The following MTMR7 variants were observed in gnomAD, a reference collection of about 807,000 sequenced individuals.
The protein encoded by MTMR7 is myotubularin related protein 7, also known as phosphatidylinositol-3-phosphate phosphatase MTMR7.
MTMR7 carries 76 observed loss-of-function variants against 81.2 expected under a neutral mutation model. That is an observed-to-expected ratio of 0.94 (90% confidence interval 0.78 to 1.13). MTMR7 has a LOEUF of 1.13. Among genes scored for constraint, MTMR7 ranks in the 50% most tolerant of loss-of-function variants. MTMR7 has a pLI of 0.00. For synonymous variants in MTMR7, 372 were observed against 289.8 expected (o/e 1.28, Z -2.88); for missense variants, 1,044 against 820.0 (o/e 1.27, Z -3.34).
At chr8:17,364,771 A>C (rs573821977) in intron 3 of MTMR7, among the ~76,000 whole-genome samples, 1 of 152,358 alleles carries the variant, frequency 6.6e-6, no homozygotes, top group South Asian at 2.1e-4. Flanking sequence ...GCTGAATAGC[A>C]TTCCATTATT....
chr8:17,326,942 A>G (rs972354523), intron 7 of MTMR7, among the ~76,000 whole-genome samples: 3 of 152,244 alleles, frequency 2.0e-5, no homozygotes, highest in African/African-American at 7.2e-5. Flanking sequence ...ATAAAGAGGG[A>G]AAAAGGGAAT....
chr8:17,340,164 G>A lies in MTMR7; in HGVS notation c.732+1199C>T, dbSNP rs143625083. 3.1e-3 allele frequency among the ~76,000 whole-genome samples: 473 copies of A among 152,314 alleles called. 1 individual carries two copies. Among genetic ancestry groups the A allele is most frequent in the African/African-American group, 0.011 (453 of 41,554 alleles). On this transcript the variant is annotated intron_variant, in intron 6 of 13. Coordinates refer to ENST00000180173, the MANE Select transcript of MTMR7 (RefSeq NM_004686.5). ...GATGAGGTTTCACCATGTTGGTCAG[G>A]CTTGTCTCAAACTCCCGACCTCAGA...
intron 7 of MTMR7, among the ~76,000 whole-genome samples, chr8:17,319,330 T>G (rs746693298): frequency 3.3e-5 from 5 of 152,134 alleles, no homozygotes; most frequent in Admixed American, 1.3e-4. Flanking sequence ...TAAAGAAGAT[T>G]CCCGAAAATG....
At chr8:17,386,542 T>C (rs4921768) in intron 1 of MTMR7, among the ~76,000 whole-genome samples, 65,284 of 152,060 alleles carry the variant, frequency 0.43, 14,515 homozygotes, top group Admixed American at 0.57. Flanking sequence ...AGGTCAGTGA[T>C]AGGGCTGGCT....
intron 7 of MTMR7, among the ~76,000 whole-genome samples, chr8:17,322,927 C>T (rs1003554857): frequency 6.6e-6 from 1 of 150,560 alleles, no homozygotes; most frequent in Non-Finnish European, 1.5e-5. Context: ...TCACAACCTC[C>T]CATCTAGAGT....
At chr8:17,316,863 G>A (rs983853196) in intron 7 of MTMR7, among the ~76,000 whole-genome samples, 5 of 152,036 alleles carry the variant, frequency 3.3e-5, no homozygotes, top group African/African-American at 1.2e-4. Flanking sequence ...ATCTATGGGG[G>A]CTGGGGTGGG....
intron 1 of MTMR7, among the ~76,000 whole-genome samples, chr8:17,374,727 C>T (rs1427780737): frequency 6.6e-6 from 1 of 151,988 alleles, no homozygotes; most frequent in Non-Finnish European, 1.5e-5. Context: ...GCAGGAAAAT[C>T]ACTTGAACCC....
At chr8:17,400,580 TG>T (rs1047876420) in intron 1 of MTMR7, among the ~76,000 whole-genome samples, 23 of 152,328 alleles carry the variant, frequency 1.5e-4, no homozygotes, top group African/African-American at 5.5e-4. Flanking sequence ...GCGTTACCCT[TG>T]GTTTTTCTTG....
At chr8:17,377,023 T>C (rs1272125287) in intron 1 of MTMR7, among the ~76,000 whole-genome samples, 5 of 152,010 alleles carry the variant, frequency 3.3e-5, no homozygotes, top group African/African-American at 9.6e-5. Context: ...TCCTTGTATT[T>C]TTCCCGCCAT....
At chr8:17,333,701 A>T (rs1819127396) in intron 6 of MTMR7, among the ~76,000 whole-genome samples, 1 of 151,990 alleles carries the variant, frequency 6.6e-6, no homozygotes, top group South Asian at 2.1e-4. Context: ...AAATGCAAAA[A>T]TTAGCCAGAC....
intron 1 of MTMR7, among the ~76,000 whole-genome samples, chr8:17,374,591 A>T (rs1820516699): frequency 1.3e-5 from 2 of 152,102 alleles, no homozygotes; most frequent in African/African-American, 2.4e-5. Context: ...ACCGTACCGT[A>T]GCCTGGCGAC....
rs148021602 is a variant in MTMR7, at chr8:17,401,140, T to C, written c.24+12129A>G. On this transcript the variant is annotated intron_variant, in intron 1 of 13. Transcript: ENST00000180173. Reference sequence around the variant, plus strand: ...TATGTGTGTAGGTGTGTATGTATGTTACAGAAAAAATGCTATGGAGAAAAA... The same window carrying C: ...TATGTGTGTAGGTGTGTATGTATGTCACAGAAAAAATGCTATGGAGAAAAA... 6.2e-4 allele frequency among the ~76,000 whole-genome samples: 95 copies of C among 152,212 alleles called. No homozygotes were observed. In the East Asian group the frequency reaches 7.7e-3, roughly 12 times the overall value.
chr8:17,376,243 T>C (rs1177249687), intron 1 of MTMR7, among the ~76,000 whole-genome samples: 1 of 152,238 alleles, frequency 6.6e-6, no homozygotes, highest in Non-Finnish European at 1.5e-5. Context: ...TCAATCCAAG[T>C]TCATCTATTC....
chr8:17,385,349 C>T (rs921757200), intron 1 of MTMR7, among the ~76,000 whole-genome samples: 5 of 152,068 alleles, frequency 3.3e-5, no homozygotes, highest in Non-Finnish European at 7.3e-5. Context: ...TCCCAATCCC[C>T]GCATGCCGTG....
chr8:17,352,186 TATAGTACAAAGCC>T (rs1269593146), intron 4 of MTMR7, among the ~76,000 whole-genome samples: 1 of 152,204 alleles, frequency 6.6e-6, no homozygotes, highest in Non-Finnish European at 1.5e-5. Context: ...AATTTCAAAA[TATAGTACAAAGCC>T]ATATCTATTT....
chr8:17,391,129 G>A (rs1180340894), intron 1 of MTMR7, among the ~76,000 whole-genome samples: 10 of 152,266 alleles, frequency 6.6e-5, no homozygotes, highest in South Asian at 2.1e-4. Flanking sequence ...AAGGGTCTAC[G>A]AGGACGTGAG....
intron 1 of MTMR7, among the ~76,000 whole-genome samples, chr8:17,409,018 C>CAT (rs1821671201): frequency 6.6e-6 from 1 of 152,038 alleles, no homozygotes; most frequent in Non-Finnish European, 1.5e-5. Context: ...AAATATGTTT[C>CAT]ATATATATCT....
intron 11 of MTMR7, among the ~76,000 whole-genome samples, 163 bp from the exon 12 acceptor site, chr8:17,304,682 G>A (rs1462690550): frequency 6.6e-6 from 1 of 150,978 alleles, no homozygotes; most frequent in Non-Finnish European, 1.5e-5. Context: ...TGGTATAGAG[G>A]GAGAACACTG....
chr8:17,354,160 CA>C (rs1332881410), intron 4 of MTMR7, among the ~76,000 whole-genome samples: 2 of 152,158 alleles, frequency 1.3e-5, no homozygotes, highest in East Asian at 3.8e-4. Flanking sequence ...TCTATACAGA[CA>C]ATCTTCTTAA....
Sources: allele counts gnomAD v4.1 joint callset (sites outside exome capture counted in the v4.1 genomes callset), GRCh38; gene constraint gnomAD v4.1.1; transcripts MANE v1.5; gene names NCBI Gene and HGNC (gene_info 2026-07-23, HGNC 2026-07-21).